Variants in GDPD1 observed in about 807,000 individuals in gnomAD.
The protein encoded by GDPD1 is glycerophosphodiester phosphodiesterase domain containing 1.
A neutral mutation model predicts 45.1 loss-of-function variants in GDPD1; 28 were observed. The observed-to-expected ratio is 0.62, with a 90% CI of 0.46 to 0.85. GDPD1 has a LOEUF of 0.85. Ranked by LOEUF, GDPD1 falls within the 40% of genes least tolerant of loss-of-function variation. The probability of loss-of-function intolerance (pLI) is 0.00; values close to 1 mark genes in which losing one functional copy is unlikely to be tolerated. For missense variants in GDPD1, 256 were observed against 364.8 expected (o/e 0.70, Z 2.43); for synonymous variants, 139 against 131.4 (o/e 1.06, Z -0.40).
At chr17:59,261,295 G>A (rs903238987) in intron 6 of GDPD1, among the ~76,000 whole-genome samples, 9 of 151,818 alleles carry the variant, frequency 5.9e-5, no homozygotes, top group Admixed American at 4.6e-4. Flanking sequence ...GTGCAGCAGG[G>A]GCTGAGAGAT....
chr17:59,235,109 T>C (rs1278555526), intron 2 of GDPD1, among the ~76,000 whole-genome samples: 1 of 152,152 alleles, frequency 6.6e-6, no homozygotes, highest in Non-Finnish European at 1.5e-5. Flanking sequence ...TTCTTTGTCT[T>C]AGAGTCAATG....
chr17:59,245,560 A>G lies in GDPD1; in HGVS notation c.321+11A>G. ...GATCTCAAATACTGTGTAAGTAAAA[A>G]TGCATGATAAACTAATATCTAATAG... On this transcript the variant is annotated intron_variant, in intron 3 of 9. Coordinates refer to ENST00000284116, the MANE Select transcript of GDPD1 (RefSeq NM_182569.4). 1 of 1,593,146 alleles carries G rather than the reference A, an allele frequency of 6.3e-7. No homozygotes were observed. Among genetic ancestry groups the G allele is most frequent in the Non-Finnish European group, 8.5e-7 (1 of 1,170,730 alleles).
rs144091144 is a variant in GDPD1 at position 59,264,634 on chromosome 17, C to G, written c.577-2407C>G. Among the ~76,000 whole-genome samples the G allele has an allele frequency of 1.8e-3, 274 of 152,040 alleles. 6 individuals carry two copies. In the East Asian group the frequency reaches 0.046, roughly 26 times the overall value. On this transcript the variant is annotated intron_variant, in intron 6 of 9. Coordinates refer to ENST00000284116, the MANE Select transcript of GDPD1 (RefSeq NM_182569.4). ...GCCCCTAACCCTGTTTTCCCATAAGCTCTGTTATCCTTAGTGTATGATTTT... is the reference window on the plus strand; with the variant it reads ...GCCCCTAACCCTGTTTTCCCATAAGGTCTGTTATCCTTAGTGTATGATTTT...
intron 7 of GDPD1, among the ~76,000 whole-genome samples, chr17:59,268,179 CA>C (rs1456573185): frequency 5.3e-5 from 8 of 152,294 alleles, no homozygotes; most frequent in Admixed American, 4.6e-4. Context: ...CAAAATTCTA[CA>C]CACGTAGAAT....
chr17:59,235,288 A>G (rs1002745237), intron 2 of GDPD1, among the ~76,000 whole-genome samples: 3 of 152,184 alleles, frequency 2.0e-5, no homozygotes, highest in Admixed American at 6.6e-5. Flanking sequence ...ATTAATGTAT[A>G]TAATTGGGAC....
chr17:59,248,647 T>C lies in GDPD1; in HGVS notation c.322-93T>C. 6.7e-6 allele frequency: 6 copies of C among 889,624 alleles called. No individual in the cohort carries two copies. The South Asian group carries it at 9.3e-5, about 14-fold the overall frequency. The allele number at this position is 889,624 out of a possible 1,614,324, so 55.1% of individuals were successfully genotyped here. A position where few individuals can be genotyped will look rare whatever the true frequency, so the allele number is the denominator to read the frequency against. ...GTAAAGTGTTTTAGTCTTCTGTATG[T>C]TAAAGAAGCATATCTTTGTGTCTTA... On this transcript the variant is annotated intron_variant, in intron 3 of 9. Coordinates refer to ENST00000284116, the MANE Select transcript of GDPD1 (RefSeq NM_182569.4).
At chr17:59,247,288 G>A (rs746705816) in intron 3 of GDPD1, among the ~76,000 whole-genome samples, 9 of 152,004 alleles carry the variant, frequency 5.9e-5, no homozygotes, top group African/African-American at 1.2e-4. Flanking sequence ...TACATTCTGT[G>A]GTTTTGGACA....
intron 6 of GDPD1, among the ~76,000 whole-genome samples, chr17:59,260,060 CAAAAAAAAAAAAAAAAAAAAA>C (rs56936442): frequency 0.041 from 1,063 of 25,874 alleles, 15 homozygotes; most frequent in Middle Eastern, 0.12. Context: ...GACCCTGTCT[CAAAAAAAAAAAAAAAAAAAAA>C]AAAAAAAAAA....
At chr17:59,255,529 G>T (rs1030151501) in intron 4 of GDPD1, among the ~76,000 whole-genome samples, 1 of 149,608 alleles carries the variant, frequency 6.7e-6, no homozygotes, top group African/African-American at 2.5e-5. Flanking sequence ...ATCACCGAAC[G>T]CCAGGAGTTT....
intron 6 of GDPD1, among the ~76,000 whole-genome samples, chr17:59,259,566 CAAAAAAAAAA>C (rs71367681): frequency 4.0e-5 from 1 of 24,846 alleles, no homozygotes; most frequent in Non-Finnish European, 7.3e-5. Flanking sequence ...GACTCTGTCT[CAAAAAAAAAA>C]AAAAAAAAAA....
chr17:59,226,679 T>C (rs1267514939), intron 1 of GDPD1, among the ~76,000 whole-genome samples: 1 of 151,970 alleles, frequency 6.6e-6, no homozygotes, highest in Non-Finnish European at 1.5e-5. Flanking sequence ...GAGCAGTACC[T>C]TTTGTGTGTG....
chr17:59,225,767 G>A (rs1277836216), intron 1 of GDPD1, among the ~76,000 whole-genome samples: 2 of 151,942 alleles, frequency 1.3e-5, no homozygotes, highest in African/African-American at 2.4e-5. Flanking sequence ...AGTCTCCCAG[G>A]CTGGAGTGCA....
At position 59,273,789 on chromosome 17, in the gene GDPD1, G is replaced by A; in HGVS notation, c.*16G>A. On this transcript the variant is annotated 3_prime_UTR_variant, in exon 10 of 10. Coordinates refer to ENST00000284116, the MANE Select transcript of GDPD1 (RefSeq NM_182569.4). ...TTCAGCATAGAAAAAGAGGTACTTA[G>A]AAGTATTGAAGGAAAAAATGAAGAC... 1 of 1,536,758 alleles carries A rather than the reference G, an allele frequency of 6.5e-7. No homozygotes were observed. Among genetic ancestry groups the A allele is most frequent in the South Asian group, 1.3e-5 (1 of 77,912 alleles).
intron 6 of GDPD1, among the ~76,000 whole-genome samples, chr17:59,264,427 G>A (rs1568350291): frequency 6.6e-6 from 1 of 152,038 alleles, no homozygotes; most frequent in East Asian, 1.9e-4. Flanking sequence ...CAGACTAGCT[G>A]GGATTACAGG....
chr17:59,255,952 G>A (rs916948004), intron 4 of GDPD1, among the ~76,000 whole-genome samples: 15 of 147,814 alleles, frequency 1.0e-4, no homozygotes, highest in African/African-American at 3.8e-4. Context: ...CTGGAGTGTG[G>A]GAGGCCGCAG....
In GDPD1 at chr17:59,270,936, G is replaced by A. The variant is rs747929443; in HGVS notation, c.711G>A (p.Lys237=). The change falls in exon 8 of 10, where the codon AAG becomes AAA. Residue 237 remains lysine (K), a splice_region_variant and synonymous_variant. Coordinates refer to ENST00000284116, the MANE Select transcript of GDPD1 (RefSeq NM_182569.4). ...TAATTCAAACTTTATTTTACCCTAG[G>A]CTAAAAGAACCACACACCATGTCCA... ...FEIPMPSIIL[K]LKEPHTMSRS... 2 of 1,588,606 alleles carry A rather than the reference G, an allele frequency of 1.3e-6. No homozygotes were observed. Among genetic ancestry groups the A allele is most frequent in the South Asian group, 2.3e-5 (2 of 87,784 alleles).
At chr17:59,263,514 G>T in intron 6 of GDPD1, among the ~76,000 whole-genome samples, 1 of 75,232 alleles carries the variant, frequency 1.3e-5, no homozygotes. Flanking sequence ...GTTTCACTCT[G>T]GTTGCCCAGG....
intron 9 of GDPD1, among the ~76,000 whole-genome samples, chr17:59,273,372 C>G (rs764419892): frequency 6.6e-6 from 1 of 152,136 alleles, no homozygotes; most frequent in Non-Finnish European, 1.5e-5. Flanking sequence ...AGGTGATCTG[C>G]CTGCCTTGGC....
intron 1 of GDPD1, among the ~76,000 whole-genome samples, chr17:59,227,988 A>G (rs2047060198): frequency 1.3e-5 from 2 of 151,992 alleles, no homozygotes; most frequent in Non-Finnish European, 2.9e-5. Flanking sequence ...TGGCCTACAC[A>G]GTGAAACCCC....
Sources: gnomAD v4.1 joint callset for allele counts (sites outside exome capture counted in the v4.1 genomes callset) on GRCh38, gnomAD v4.1.1 for gene constraint, MANE v1.5 for transcripts, NCBI Gene and HGNC (gene_info 2026-07-23, HGNC 2026-07-21) for gene names.